ROBO1: variants seen among roughly 807,000 people sequenced by gnomAD.
ROBO1 encodes the protein roundabout guidance receptor 1.
In ROBO1, 149 loss-of-function variants were observed where a neutral mutation model predicts 195.9. The ratio of observed to expected loss-of-function variants is 0.76; its 90% confidence interval spans 0.67 to 0.87. ROBO1 has a LOEUF of 0.87. Among genes scored for constraint, ROBO1 ranks in the 40% least tolerant of loss-of-function variants. The probability of loss-of-function intolerance (pLI) is 0.00; values close to 1 mark genes in which losing one functional copy is unlikely to be tolerated. For missense variants in ROBO1, 1,933 were observed against 2,068.3 expected (o/e 0.93, Z 1.27); for synonymous variants, 816 against 733.2 (o/e 1.11, Z -1.82).
At chr3:78,876,097 TCAC>T (rs2035828743) in intron 4 of ROBO1, among the ~76,000 whole-genome samples, 9 of 152,054 alleles carry the variant, frequency 5.9e-5, no homozygotes, top group Non-Finnish European at 8.8e-5. Flanking sequence ...GAAAGGTTAC[TCAC>T]AGTTATGTAG....
chr3:78,974,794 C>T (rs2076849628), intron 3 of ROBO1, among the ~76,000 whole-genome samples: 1 of 152,016 alleles, frequency 6.6e-6, no homozygotes, highest in African/African-American at 2.4e-5. Flanking sequence ...TCCTATTTTT[C>T]AAAGATATAT....
At chr3:79,690,567 C>A (rs2107074025) in intron 1 of ROBO1, among the ~76,000 whole-genome samples, 1 of 152,138 alleles carries the variant, frequency 6.6e-6, no homozygotes, top group South Asian at 2.1e-4. Context: ...GTCCAACCTA[C>A]AGAATGGTGA....
At chr3:79,479,744 T>A (rs1306086163) in intron 2 of ROBO1, among the ~76,000 whole-genome samples, 2 of 152,224 alleles carry the variant, frequency 1.3e-5, no homozygotes, top group Non-Finnish European at 2.9e-5. Flanking sequence ...CAGGATGTTA[T>A]CCCTTAAAAT....
chr3:79,406,782 T>C (rs953844053), intron 2 of ROBO1, among the ~76,000 whole-genome samples: 7 of 152,188 alleles, frequency 4.6e-5, no homozygotes, highest in Non-Finnish European at 1.0e-4. Flanking sequence ...TAGAGTTATG[T>C]TGATGTGAGA....
intron 4 of ROBO1, among the ~76,000 whole-genome samples, chr3:78,888,426 T>A (rs1048397211): frequency 7.9e-5 from 12 of 152,214 alleles, no homozygotes; most frequent in African/African-American, 2.9e-4. Context: ...CTACTGCTAG[T>A]CTTCTGTGGT....
chr3:78,692,419 G>A (rs1199269715), intron 8 of ROBO1, among the ~76,000 whole-genome samples: 2 of 151,872 alleles, frequency 1.3e-5, no homozygotes, highest in African/African-American at 2.4e-5. Flanking sequence ...ACAGGTGTGC[G>A]CCATCACATC....
intron 2 of ROBO1, among the ~76,000 whole-genome samples, chr3:79,320,511 G>A (rs1025113791): frequency 6.6e-6 from 1 of 151,938 alleles, no homozygotes; most frequent in African/African-American, 2.4e-5. Context: ...TAGTTTTTTT[G>A]CAGAGATGGA....
chr3:78,944,833 T>C (rs1007584558), intron 3 of ROBO1, among the ~76,000 whole-genome samples: 6 of 152,096 alleles, frequency 3.9e-5, no homozygotes, highest in Non-Finnish European at 7.4e-5. Flanking sequence ...GCTTTTCCAA[T>C]GGACTTAAAA....
intron 2 of ROBO1, among the ~76,000 whole-genome samples, chr3:79,516,854 AG>A (rs1940966837): frequency 1.3e-5 from 2 of 152,134 alleles, no homozygotes; most frequent in Admixed American, 6.6e-5. Flanking sequence ...TGATTGACAA[AG>A]GTTTTTGTGC....
In ROBO1 at chr3:78,821,657, G is replaced by T. The variant is rs191899301; in HGVS notation, c.500-74757C>A. ...GTCAACAGATTGATAATAATAACAT[G>T]CCCCACCCCTTCTTTCCCAGCTCTC... On this transcript the variant is annotated intron_variant, in intron 4 of 30. Coordinates refer to ENST00000464233, the MANE Select transcript of ROBO1 (RefSeq NM_002941.4). 2.6e-5 allele frequency among the ~76,000 whole-genome samples: 4 copies of T among 152,210 alleles called. No homozygotes were observed. In the East Asian group the frequency reaches 7.7e-4, roughly 29 times the overall value.
At chr3:78,968,274 T>C (rs78765085) in intron 3 of ROBO1, among the ~76,000 whole-genome samples, 1 of 146,770 alleles carries the variant, frequency 6.8e-6, no homozygotes, top group African/African-American at 2.5e-5. Context: ...ATAGATTCTT[T>C]TTTTTTTTTT....
chr3:79,328,128 C>T (rs2034289442), intron 2 of ROBO1, among the ~76,000 whole-genome samples: 1 of 151,994 alleles, frequency 6.6e-6, no homozygotes, highest in Non-Finnish European at 1.5e-5. Context: ...TTCATTAGGA[C>T]AATTCTTTTT....
intron 2 of ROBO1, among the ~76,000 whole-genome samples, chr3:79,192,942 A>G (rs982673984): frequency 2.6e-5 from 4 of 151,608 alleles, no homozygotes; most frequent in African/African-American, 9.7e-5. Context: ...TGGACCAGAG[A>G]GGCGGTAGCA....
intron 2 of ROBO1, among the ~76,000 whole-genome samples, chr3:79,518,289 A>G (rs981420179): frequency 7.2e-5 from 11 of 152,140 alleles, no homozygotes; most frequent in African/African-American, 2.7e-4. Flanking sequence ...AGGGTAAGGC[A>G]TGTTAAGAAG....
chr3:78,674,858 T>C (rs1328064485), intron 10 of ROBO1, among the ~76,000 whole-genome samples: 1 of 152,170 alleles, frequency 6.6e-6, no homozygotes, highest in Non-Finnish European at 1.5e-5. Flanking sequence ...TAAGTTGCTT[T>C]ACAAAGTTGC....
intron 2 of ROBO1, among the ~76,000 whole-genome samples, chr3:79,579,138 G>T (rs1943582348): frequency 6.6e-6 from 1 of 152,174 alleles, no homozygotes; most frequent in Non-Finnish European, 1.5e-5. Flanking sequence ...TGACTGTGAT[G>T]TGATTACTTG....
chr3:79,280,479 A>C (rs976341412), intron 2 of ROBO1, among the ~76,000 whole-genome samples: 4 of 152,200 alleles, frequency 2.6e-5, no homozygotes, highest in Non-Finnish European at 5.9e-5. Flanking sequence ...AGCAGATAAA[A>C]CACACCTAAC....
chr3:79,245,469 T>C (rs2082606676), intron 2 of ROBO1, among the ~76,000 whole-genome samples: 1 of 152,076 alleles, frequency 6.6e-6, no homozygotes, highest in Non-Finnish European at 1.5e-5. Context: ...GACTTGCCTC[T>C]ATCATGAACT....
intron 2 of ROBO1, among the ~76,000 whole-genome samples, chr3:79,348,586 T>C (rs1241410024): frequency 1.3e-5 from 2 of 152,150 alleles, no homozygotes; most frequent in Non-Finnish European, 2.9e-5. Context: ...AATTAGGATA[T>C]GGAGAAGACA....
Sources: gnomAD v4.1 joint callset for allele counts (sites outside exome capture counted in the v4.1 genomes callset) on GRCh38, gnomAD v4.1.1 for gene constraint, MANE v1.5 for transcripts, NCBI Gene and HGNC (gene_info 2026-07-23, HGNC 2026-07-21) for gene names.